HDAC9: variants seen among roughly 807,000 people sequenced by gnomAD.
HDAC9 encodes the protein MEF-2 interacting transcription repressor (MITR) protein.
Under a neutral mutation model 139.4 loss-of-function variants are expected in HDAC9, and 41 were observed. That is an observed-to-expected ratio of 0.29 (90% confidence interval 0.23 to 0.38). The LOEUF is 0.38. Ranked by LOEUF, HDAC9 falls within the 10% of genes least tolerant of loss-of-function variation. The probability of loss-of-function intolerance (pLI) is 1.00; values close to 1 mark genes in which losing one functional copy is unlikely to be tolerated. For synonymous variants in HDAC9, 517 were observed against 476.2 expected (o/e 1.09, Z -1.12); for missense variants, 1,147 against 1,297.0 (o/e 0.88, Z 1.78).
intron 19 of HDAC9, among the ~76,000 whole-genome samples, chr7:18,830,493 T>C (rs1795781969): frequency 6.6e-6 from 1 of 152,212 alleles, no homozygotes; most frequent in African/African-American, 2.4e-5. Flanking sequence ...ATCTTGTTCA[T>C]ATCTGCACTC....
chr7:18,356,357 G>A (rs1168388714), intron 1 of HDAC9, among the ~76,000 whole-genome samples: 2 of 27,326 alleles, frequency 7.3e-5, no homozygotes, highest in Admixed American at 1.1e-3. Flanking sequence ...GCAGCACATA[G>A]GTTTTTTTTT....
chr7:18,706,316 A>G (rs1584883128), intron 12 of HDAC9, among the ~76,000 whole-genome samples: 1 of 151,960 alleles, frequency 6.6e-6, no homozygotes, highest in African/African-American at 2.4e-5. Context: ...AAGCACCCTG[A>G]GGTTAAAGAC....
chr7:18,541,483 C>G (rs936457518), intron 2 of HDAC9, among the ~76,000 whole-genome samples: 6 of 152,090 alleles, frequency 3.9e-5, no homozygotes, highest in Non-Finnish European at 8.8e-5. Flanking sequence ...AACTGTCTCT[C>G]TAATACATTC....
At chr7:18,547,383 C>T (rs1815283251) in intron 2 of HDAC9, among the ~76,000 whole-genome samples, 1 of 152,282 alleles carries the variant, frequency 6.6e-6, no homozygotes, top group Non-Finnish European at 1.5e-5. Context: ...CTACAGGCAC[C>T]TGCAACCCCG....
At chr7:18,273,055 C>CTT (rs1491175072) in intron 2 of HDAC9, among the ~76,000 whole-genome samples, 4 of 68,232 alleles carry the variant, frequency 5.9e-5, no homozygotes, top group African/African-American at 1.9e-4. Flanking sequence ...TCCCCTTCTT[C>CTT]GTTTTTTTTT....
chr7:18,937,930 T>C (rs1183246398), intron 23 of HDAC9, among the ~76,000 whole-genome samples: 1 of 152,178 alleles, frequency 6.6e-6, no homozygotes, highest in Admixed American at 6.5e-5. Flanking sequence ...GAGGATGGAG[T>C]GATCTCCCCT....
At chr7:18,248,922 A>C (rs1416653891) in intron 2 of HDAC9, among the ~76,000 whole-genome samples, 2 of 152,206 alleles carry the variant, frequency 1.3e-5, no homozygotes, top group African/African-American at 4.8e-5. Flanking sequence ...CAACAATTGA[A>C]AATAGAGTTA....
At chr7:18,496,079 C>A in intron 1 of HDAC9, 56 bp downstream of exon 1, 1 of 1,419,496 alleles carries the variant, frequency 7.0e-7, no homozygotes, top group Non-Finnish European at 9.3e-7. Context: ...CCCATTTGAG[C>A]AGAAAGGAAA....
chr7:18,661,383 CAAGTT>C (rs1464166327), intron 11 of HDAC9, among the ~76,000 whole-genome samples: 3 of 152,010 alleles, frequency 2.0e-5, no homozygotes, highest in African/African-American at 4.8e-5. Context: ...TCTAAGAAAA[CAAGTT>C]AAGTACGCAG....
At chr7:18,653,796 A>C (rs1790157889) in intron 11 of HDAC9, among the ~76,000 whole-genome samples, 1 of 152,062 alleles carries the variant, frequency 6.6e-6, no homozygotes, top group Admixed American at 6.6e-5. Context: ...TTTGGAAGAG[A>C]ATTTGACTGT....
At chr7:18,441,439 G>T (rs1425549895) in intron 1 of HDAC9, among the ~76,000 whole-genome samples, 6 of 152,116 alleles carry the variant, frequency 3.9e-5, no homozygotes, top group African/African-American at 1.4e-4. Flanking sequence ...ATATTTAGAA[G>T]TATTAGGTGC....
intron 2 of HDAC9, among the ~76,000 whole-genome samples, chr7:18,498,927 A>C (rs1278053631): frequency 6.6e-6 from 1 of 152,094 alleles, no homozygotes; most frequent in East Asian, 1.9e-4. Flanking sequence ...CATGAGTTAC[A>C]TTGTAGGTCA....
intron 21 of HDAC9, among the ~76,000 whole-genome samples, chr7:18,842,204 A>T (rs747899734): frequency 8.5e-5 from 13 of 152,116 alleles, no homozygotes; most frequent in Non-Finnish European, 1.9e-4. Context: ...TATTAAGCTC[A>T]TGATATCATG....
intron 8 of HDAC9, among the ~76,000 whole-genome samples, chr7:18,636,921 G>A (rs1159730483): frequency 6.6e-6 from 1 of 151,882 alleles, no homozygotes; most frequent in African/African-American, 2.4e-5. Context: ...CTCTCAGTAT[G>A]AAGAGTGTAA....
At chr7:18,157,804 TGAGA>T (rs67690215) in intron 1 of HDAC9, among the ~76,000 whole-genome samples, 2,918 of 109,416 alleles carry the variant, frequency 0.027, 56 homozygotes, top group East Asian at 0.11. Flanking sequence ...TTCTAAGGCA[TGAGA>T]GAGAGAGAGA....
chr7:18,543,014 G>T (rs544613060), intron 2 of HDAC9, among the ~76,000 whole-genome samples: 153 of 152,236 alleles, frequency 1.0e-3, no homozygotes, highest in South Asian at 4.8e-3. Flanking sequence ...AGAATGCTCC[G>T]ACTATGGTAA....
At position 18,975,915 on chromosome 7, in the gene HDAC9, A is replaced by G; in HGVS notation, c.3132A>G (p.Thr1044=). 6.2e-7 allele frequency: 1 copy of G among 1,613,886 alleles called. No homozygotes were observed. Among genetic ancestry groups the G allele is most frequent in the Non-Finnish European group, 8.5e-7 (1 of 1,179,846 alleles). The change falls in exon 25 of 26, where the codon ACA becomes ACG. Residue 1044 remains threonine (T), a synonymous_variant. Transcript: ENST00000686413. ...TETVSALASL[T]VDVEQPFAQE... ...CCGTTTCTGCCCTGGCCTCCCTAAC[A>G]GTGGATGTGGAACAGCCCTTTGCTC...
intron 2 of HDAC9, among the ~76,000 whole-genome samples, chr7:18,236,928 G>C (rs1793860689): frequency 6.6e-6 from 1 of 152,128 alleles, no homozygotes; most frequent in Admixed American, 6.5e-5. Context: ...GTCTCAACTA[G>C]TGCTACCGAC....
chr7:18,310,109 A>T (rs1213066228), intron 1 of HDAC9, among the ~76,000 whole-genome samples: 1 of 135,208 alleles, frequency 7.4e-6, no homozygotes, highest in Non-Finnish European at 1.5e-5. Flanking sequence ...GATAGTGTAG[A>T]GACTTTCAAG....
Sources: allele counts gnomAD v4.1 joint callset (sites outside exome capture counted in the v4.1 genomes callset), GRCh38; gene constraint gnomAD v4.1.1; transcripts MANE v1.5; gene names NCBI Gene and HGNC (gene_info 2026-07-23, HGNC 2026-07-21).